The following ZFPM2 variants were observed in gnomAD, a reference collection of about 807,000 sequenced individuals.
ZFPM2 encodes zinc finger protein, FOG family member 2, also known as zinc finger protein ZFPM2.
In ZFPM2, 20 loss-of-function variants were observed where a neutral mutation model predicts 98.6. The observed-to-expected ratio is 0.20, with a 90% confidence interval of 0.14 to 0.29. The LOEUF (loss-of-function observed/expected upper bound fraction) is 0.29, where lower values mean the gene tolerates loss of function less well. Among genes scored for constraint, ZFPM2 ranks in the 10% least tolerant of loss-of-function variants. ZFPM2 has a pLI of 1.00. For missense variants in ZFPM2, 1,310 were observed against 1,388.6 expected (o/e 0.94, Z 0.90); for synonymous variants, 518 against 502.7 (o/e 1.03, Z -0.41).
chr8:105,440,673 C>T (rs1310199403), intron 2 of ZFPM2, among the ~76,000 whole-genome samples: 1 of 152,126 alleles, frequency 6.6e-6, no homozygotes, highest in Non-Finnish European at 1.5e-5. Context: ...TCTCAAAAGA[C>T]ACGAGAGAAG....
intron 5 of ZFPM2, chr8:105,787,195 T>C (rs1368799790): frequency 6.6e-6 from 1 of 152,214 alleles, no homozygotes; most frequent in East Asian, 1.9e-4. Context: ...ATCGCTCCTC[T>C]GATTTCGACA....
intron 1 of ZFPM2, among the ~76,000 whole-genome samples, chr8:105,391,985 A>G (rs1450528054): frequency 6.6e-6 from 1 of 152,212 alleles, no homozygotes; most frequent in Non-Finnish European, 1.5e-5. Flanking sequence ...CATCCATCAC[A>G]GAAATCACTG....
intron 7 of ZFPM2, among the ~76,000 whole-genome samples, chr8:105,800,312 T>C (rs955981750): frequency 6.6e-6 from 1 of 152,084 alleles, no homozygotes; most frequent in Non-Finnish European, 1.5e-5. Flanking sequence ...TAGTGATGCT[T>C]ACCCACCACA....
chr8:105,649,167 C>T (rs1253846585), intron 5 of ZFPM2, among the ~76,000 whole-genome samples: 6 of 151,954 alleles, frequency 3.9e-5, no homozygotes, highest in Non-Finnish European at 5.9e-5. Flanking sequence ...ACTCATGATT[C>T]GGCCCCCTCT....
intron 3 of ZFPM2, among the ~76,000 whole-genome samples, chr8:105,545,618 T>G (rs1246288938): frequency 6.6e-6 from 1 of 152,214 alleles, no homozygotes; most frequent in Non-Finnish European, 1.5e-5. Flanking sequence ...GGCATTATTT[T>G]ATTTCTTAAT....
intron 1 of ZFPM2, among the ~76,000 whole-genome samples, chr8:105,371,019 A>C (rs1211493632): frequency 6.6e-6 from 1 of 152,198 alleles, no homozygotes; most frequent in Non-Finnish European, 1.5e-5. Context: ...TGACTCTGTG[A>C]TGCTAATTAG....
At chr8:105,449,835 T>C (rs1366276586) in intron 3 of ZFPM2, among the ~76,000 whole-genome samples, 1 of 152,138 alleles carries the variant, frequency 6.6e-6, no homozygotes, top group Non-Finnish European at 1.5e-5. Flanking sequence ...TTAATTACTC[T>C]TAATATTACT....
chr8:105,727,070 C>A (rs1018331919), intron 5 of ZFPM2, among the ~76,000 whole-genome samples: 12 of 151,582 alleles, frequency 7.9e-5, no homozygotes, highest in African/African-American at 2.9e-4. Flanking sequence ...TATGTTGAAT[C>A]ATCATTATGA....
intron 3 of ZFPM2, among the ~76,000 whole-genome samples, chr8:105,462,911 C>CT (rs112661808): frequency 0.021 from 3,119 of 152,074 alleles, 105 homozygotes; most frequent in African/African-American, 0.071. Flanking sequence ...ATGATACTAG[C>CT]TCAGTTCAAG....
At chr8:105,503,604 A>G (rs750719676) in intron 3 of ZFPM2, among the ~76,000 whole-genome samples, 16 of 152,214 alleles carry the variant, frequency 1.1e-4, no homozygotes, top group Non-Finnish European at 2.1e-4. Context: ...GATATCTGTG[A>G]GCAGGGTTAT....
chr8:105,797,704 T>G, intron 6 of ZFPM2, among the ~76,000 whole-genome samples: 1 of 152,120 alleles, frequency 6.6e-6, no homozygotes, highest in East Asian at 1.9e-4. Flanking sequence ...ATCAGGATGA[T>G]CCAACCCCTC....
At chr8:105,652,068 C>G (rs920258861) in intron 5 of ZFPM2, among the ~76,000 whole-genome samples, 1 of 151,828 alleles carries the variant, frequency 6.6e-6, no homozygotes, top group Non-Finnish European at 1.5e-5. Context: ...AAGATGTTGT[C>G]AAACCACAGG....
At chr8:105,743,289 G>A (rs1812263724) in intron 5 of ZFPM2, among the ~76,000 whole-genome samples, 1 of 152,028 alleles carries the variant, frequency 6.6e-6, no homozygotes, top group Non-Finnish European at 1.5e-5. Context: ...GGTGGAGAAT[G>A]GGAGAGAGAA....
In ZFPM2 at chr8:105,744,938, A is replaced by G. The variant is rs1362678643; in HGVS notation, c.533-43780A>G. ...TGCTTCTCTTCTGTGGCAATTCTTG[A>G]CAAAGTAAATCCCAATTCTCTCAAA... On this transcript the variant is annotated intron_variant, in intron 5 of 7. Transcript: ENST00000407775. Among the ~76,000 whole-genome samples, 5 of 152,252 alleles carry G rather than the reference A, an allele frequency of 3.3e-5. No homozygotes were observed. In the East Asian group the frequency reaches 7.8e-4, roughly 24 times the overall value.
At chr8:105,491,473 T>C (rs763117917) in intron 3 of ZFPM2, among the ~76,000 whole-genome samples, 11 of 152,144 alleles carry the variant, frequency 7.2e-5, no homozygotes, top group Admixed American at 3.3e-4. Context: ...GGATCATCAT[T>C]CCGTTTATCA....
intron 4 of ZFPM2, among the ~76,000 whole-genome samples, chr8:105,599,009 A>G (rs1416824292): frequency 6.6e-6 from 1 of 152,170 alleles, no homozygotes; most frequent in African/African-American, 2.4e-5. Flanking sequence ...TTCTAATCAC[A>G]CTAGCTAGCA....
At chr8:105,506,770 G>A (rs1476124330) in intron 3 of ZFPM2, among the ~76,000 whole-genome samples, 3 of 151,946 alleles carry the variant, frequency 2.0e-5, no homozygotes, top group East Asian at 3.9e-4. Flanking sequence ...GGCGGATCAC[G>A]AGATCAGGAG....
intron 1 of ZFPM2, among the ~76,000 whole-genome samples, chr8:105,380,679 T>C: frequency 6.5e-5 from 1 of 15,466 alleles, no homozygotes; most frequent in East Asian, 1.1e-3. Context: ...ATATATATTA[T>C]ATATATATTA....
intron 5 of ZFPM2, among the ~76,000 whole-genome samples, chr8:105,684,564 G>C (rs141995139): frequency 6.6e-6 from 1 of 152,162 alleles, no homozygotes; most frequent in Non-Finnish European, 1.5e-5. Context: ...ACTTCATTAG[G>C]CTGAAAATTT....
Sources: allele counts gnomAD v4.1 joint callset (sites outside exome capture counted in the v4.1 genomes callset), GRCh38; gene constraint gnomAD v4.1.1; transcripts MANE v1.5; gene names NCBI Gene and HGNC (gene_info 2026-07-23, HGNC 2026-07-21).